Variants in PCDHA2 observed in about 807,000 individuals in gnomAD.
PCDHA2 encodes the protein protocadherin alpha 2, also known as protocadherin alpha-2.
PCDHA2 carries 58 observed loss-of-function variants against 66.0 expected under a neutral mutation model. That is an observed-to-expected ratio of 0.88 (90% CI 0.71 to 1.09). The LOEUF is 1.09. Among genes scored for constraint, PCDHA2 ranks in the 50% least tolerant of loss-of-function variants. The pLI is 0.00. For missense variants in PCDHA2, 1,267 were observed against 1,242.3 expected (o/e 1.02, Z -0.30); for synonymous variants, 634 against 554.0 (o/e 1.14, Z -2.03).
At chr5:140,805,704 G>C (rs1361039069) in intron 1 of PCDHA2, 1 of 647,326 alleles carries the variant, frequency 1.5e-6, no homozygotes, top group Non-Finnish European at 1.9e-6. Context: ...CCAAGAATTA[G>C]AATAAAAATT....
At chr5:140,834,367 C>G in intron 1 of PCDHA2, 1 of 1,554,312 alleles carries the variant, frequency 6.4e-7, no homozygotes, top group East Asian at 2.3e-5. Context: ...ACTAGAAAAA[C>G]AAGCCAATAA....
chr5:140,802,490 C>T (rs1762929356), intron 1 of PCDHA2: 6 of 1,614,072 alleles, frequency 3.7e-6, no homozygotes, highest in Admixed American at 1.7e-5. Flanking sequence ...GGGACGGGGG[C>T]TCGCCTTCAC....
At chr5:140,946,219 G>A (rs2093905754) in intron 1 of PCDHA2, among the ~76,000 whole-genome samples, 1 of 151,856 alleles carries the variant, frequency 6.6e-6, no homozygotes, top group Non-Finnish European at 1.5e-5. Context: ...TGACCAACAG[G>A]TATACTAAAA....
At chr5:140,823,452 C>G (rs2150125920) in intron 1 of PCDHA2, 1 of 1,613,440 alleles carries the variant, frequency 6.2e-7, no homozygotes, top group South Asian at 1.1e-5. Flanking sequence ...ACGAGAACGA[C>G]AACGCGCCGG....
At chr5:140,876,398 A>G (rs782094508) in intron 1 of PCDHA2, 1 of 1,613,962 alleles carries the variant, frequency 6.2e-7, no homozygotes, top group Non-Finnish European at 8.5e-7. Context: ...GGTGAACTGG[A>G]TTTTGAAGAG....
intron 1 of PCDHA2, chr5:140,801,322 G>C: frequency 6.2e-7 from 1 of 1,613,322 alleles, no homozygotes; most frequent in Non-Finnish European, 8.5e-7. Context: ...GCCAAGCATG[G>C]CACCTTCGTG....
Position 141,010,021 on chromosome 5 carries a change from T to C in PCDHA2, c.*84T>C. 1 of 1,572,108 alleles carries C rather than the reference T, an allele frequency of 6.4e-7. No individual in the cohort carries two copies. The highest frequency in any genetic ancestry group is 1.9e-5 in the Admixed American group (1 of 52,756). On this transcript the variant is annotated 3_prime_UTR_variant, in exon 4 of 4. Coordinates refer to ENST00000526136, the MANE Select transcript of PCDHA2 (RefSeq NM_018905.3). ...CATGTAGCAATTCCCTGCTCCTTTTTCCTATCTACATGAGCCCTCTTAGAG... is the reference window on the plus strand; with the variant it reads ...CATGTAGCAATTCCCTGCTCCTTTTCCCTATCTACATGAGCCCTCTTAGAG...
chr5:140,946,631 T>TATATATATATATATATATAC lies in PCDHA2; in HGVS notation c.2389-32317_2389-32316insTATATATATATATATATACA, dbSNP rs57893927. ...TGTGAAATATATATATATATATATA[T>TATATATATATATATATATAC]ACAATGGAATACTCATCAGCCATTA... On this transcript the variant is annotated intron_variant, in intron 1 of 3. Transcript: ENST00000526136. Among the ~76,000 whole-genome samples, 543 of 131,742 alleles carry TATATATATATATATATATAC rather than the reference T, an allele frequency of 4.1e-3. 35 individuals are homozygous for TATATATATATATATATATAC. Among genetic ancestry groups the TATATATATATATATATATAC allele is most frequent in the African/African-American group, 0.018 (501 of 28,614 alleles). The allele number at this position is 131,742 out of a possible 152,430, so 86.4% of individuals were successfully genotyped here.
chr5:140,891,756 G>A (rs782304941), intron 1 of PCDHA2, among the ~76,000 whole-genome samples: 20 of 152,144 alleles, frequency 1.3e-4, no homozygotes, highest in Non-Finnish European at 2.5e-4. Flanking sequence ...AACAGTGTTG[G>A]GAGGTGGGGA....
At chr5:140,864,048 T>G (rs1053633631) in intron 1 of PCDHA2, 9 of 152,932 alleles carry the variant, frequency 5.9e-5, no homozygotes, top group African/African-American at 2.2e-4. Flanking sequence ...CACTTTTTAC[T>G]ACAGTCACCA....
rs568722959 is a variant in PCDHA2 at position 140,970,085 on chromosome 5, T to C, written c.2389-8864T>C. Among the ~76,000 whole-genome samples the C allele has an allele frequency of 2.6e-5, 4 of 151,946 alleles. No homozygotes were observed. The East Asian group carries it at 7.7e-4, about 29-fold the overall frequency. ...TATTAGAATGAGTGGATTAGGGGTG[T>C]GGGGGGATGGTGAAGACCAAGAGAA... is the stretch of plus-strand genomic sequence containing the variant. On this transcript the variant is annotated intron_variant, in intron 1 of 3. Coordinates refer to ENST00000526136, the MANE Select transcript of PCDHA2 (RefSeq NM_018905.3).
At position 140,808,956 on chromosome 5, in the gene PCDHA2, T is replaced by C. The variant is rs781916233; in HGVS notation, c.2388+11604T>C. Reference sequence around the variant, plus strand: ...CCATGGTCGGTGGGTGTGGGCCACGTGGTGGCAAAGGTGCGCGCGGTGGAT... The same window carrying C: ...CCATGGTCGGTGGGTGTGGGCCACGCGGTGGCAAAGGTGCGCGCGGTGGAT... On this transcript the variant is annotated intron_variant, in intron 1 of 3. Coordinates refer to ENST00000526136, the MANE Select transcript of PCDHA2 (RefSeq NM_018905.3). The C allele has an allele frequency of 1.2e-5, 19 of 1,613,408 alleles. No individual in the cohort carries two copies. In the Admixed American group the frequency reaches 2.3e-4, roughly 20 times the overall value.
intron 1 of PCDHA2, chr5:140,871,192 G>A (rs1582019516): frequency 6.2e-7 from 1 of 1,613,668 alleles, no homozygotes; most frequent in South Asian, 1.1e-5. Context: ...GGATGTCAAC[G>A]TGTACCTGAT....
chr5:140,803,090 C>A (rs1763110198), intron 1 of PCDHA2: 1 of 1,613,884 alleles, frequency 6.2e-7, no homozygotes, highest in Non-Finnish European at 8.5e-7. Flanking sequence ...CGGGAGAGAT[C>A]AGCACGACCC....
At chr5:140,946,237 A>C (rs540442862) in intron 1 of PCDHA2, among the ~76,000 whole-genome samples, 8 of 152,268 alleles carry the variant, frequency 5.3e-5, no homozygotes, top group African/African-American at 1.9e-4. Context: ...AAAAATGCTC[A>C]ACATCATGAA....
intron 1 of PCDHA2, chr5:140,865,634 A>G (rs2048944722): frequency 6.6e-6 from 1 of 152,218 alleles, no homozygotes; most frequent in Non-Finnish European, 1.5e-5. Context: ...TCATGAAGGG[A>G]CTTAAATACA....
chr5:140,982,441 T>G (rs368663739), intron 2 of PCDHA2, 34 bp from the exon 3 acceptor site: 18 of 1,613,728 alleles, frequency 1.1e-5, no homozygotes, highest in Non-Finnish European at 1.5e-5. Flanking sequence ...GAATTTATGA[T>G]CTAACCGTTA....
At chr5:140,981,859 C>A (rs2096954450) in intron 2 of PCDHA2, among the ~76,000 whole-genome samples, 1 of 152,118 alleles carries the variant, frequency 6.6e-6, no homozygotes, top group African/African-American at 2.4e-5. Flanking sequence ...TCACTCCCAG[C>A]AATGTTTTAT....
chr5:141,006,206 A>AT (rs1178693799), intron 3 of PCDHA2, among the ~76,000 whole-genome samples: 16 of 147,954 alleles, frequency 1.1e-4, no homozygotes, highest in East Asian at 5.9e-4. Context: ...GTTATGCCTC[A>AT]TTTTTTTTTA....
Sources: allele counts gnomAD v4.1 joint callset (sites outside exome capture counted in the v4.1 genomes callset), GRCh38; gene constraint gnomAD v4.1.1; transcripts MANE v1.5; gene names NCBI Gene and HGNC (gene_info 2026-07-23, HGNC 2026-07-21).